The following TMEM80 variants were observed in gnomAD, a reference collection of about 807,000 sequenced individuals.
The protein encoded by TMEM80 is transmembrane protein 80.
In TMEM80, 16 loss-of-function variants were observed where a neutral mutation model predicts 13.6. That is an observed-to-expected ratio of 1.17 (90% CI 0.79 to 1.78). The LOEUF is 1.78. Ranked by LOEUF, TMEM80 falls within the 40% of genes most tolerant of loss-of-function variation. The pLI is 0.00. For missense variants in TMEM80, 167 were observed against 184.6 expected, an observed-to-expected ratio of 0.90 and a Z score of 0.55; for synonymous variants, 92 against 89.5, an observed-to-expected ratio of 1.03 and a Z score of -0.16.
chr11:704,896 C>T (rs569031354), downstream of TMEM80: 2 of 355,848 alleles, frequency 5.6e-6, no homozygotes, highest in South Asian at 4.2e-5. Flanking sequence ...GCTCTGCCTC[C>T]AGGAAGGGTG....
At position 703,100 on chromosome 11, in the gene TMEM80, G is replaced by A. The variant is rs199877297; in HGVS notation, c.382G>A (p.Gly128Ser). 1.4e-5 allele frequency: 22 copies of A among 1,611,000 alleles called. No individual in the cohort carries two copies. Among genetic ancestry groups the A allele is most frequent in the South Asian group, 2.2e-5 (2 of 90,846 alleles). The change falls in exon 5 of 5, where the codon GGC (glycine) becomes AGC (serine). Residue 128 changes from glycine (G) to serine (S), a missense_variant. Coordinates refer to ENST00000397510, the MANE Select transcript of TMEM80 (RefSeq NM_001042463.3). The stretch of plus-strand genomic sequence containing the variant: ...CAGCGCCACGCTCCTGGCCCTTCAC[G>A]GCCTGGAGGCCGTCCTGCAGGTGGT... The part of the protein sequence containing the change: ...ALSATLLALH[G>S]LEAVLQVVAI...
chr11:701,409 T>TC (rs1352307131), intron 4 of TMEM80, among the ~76,000 whole-genome samples: 1 of 127,864 alleles, frequency 7.8e-6, no homozygotes, highest in Non-Finnish European at 1.7e-5. Flanking sequence ...AAGGTTTCTT[T>TC]TTTTTTTTTT....
chr11:700,926 G>C, intron 4 of TMEM80: 1 of 594,186 alleles, frequency 1.7e-6, no homozygotes, highest in East Asian at 2.8e-5. Flanking sequence ...CGTTGGGAGA[G>C]ACTCTGTGTT....
chr11:696,170 G>A (rs1402995576), intron 1 of TMEM80, among the ~76,000 whole-genome samples: 10 of 152,338 alleles, frequency 6.6e-5, no homozygotes, highest in African/African-American at 2.2e-4. Flanking sequence ...GATGGGCGCA[G>A]GGTTTCGGTA....
downstream of TMEM80, chr11:704,176 G>T: frequency 9.2e-7 from 1 of 1,083,742 alleles, no homozygotes; most frequent in Non-Finnish European, 1.2e-6. Context: ...CAGTTCTCCT[G>T]CCCTGCAAGA....
chr11:701,414 T>C (rs1396561755), intron 4 of TMEM80, among the ~76,000 whole-genome samples: 1 of 134,484 alleles, frequency 7.4e-6, no homozygotes, highest in Non-Finnish European at 1.6e-5. Flanking sequence ...TTCTTTTTTT[T>C]TTTTTTTTTT....
chr11:701,919 G>T (rs1022749297), intron 4 of TMEM80, among the ~76,000 whole-genome samples: 9 of 152,222 alleles, frequency 5.9e-5, no homozygotes, highest in Non-Finnish European at 1.3e-4. Context: ...GTGGCCAGCG[G>T]GGTGCAGACT....
chr11:703,276 G>C lies in TMEM80; in HGVS notation c.*126G>C. On this transcript the variant is annotated 3_prime_UTR_variant, in exon 5 of 5. Coordinates refer to ENST00000397510, the MANE Select transcript of TMEM80 (RefSeq NM_001042463.3). The stretch of plus-strand genomic sequence containing the variant: ...CTAGTGACTGGCCATAGATGGTTTT[G>C]GATGGTTCCATCTGTTCTGGCAGGA... 1 of 1,445,128 alleles carries C rather than the reference G, an allele frequency of 6.9e-7. No homozygotes were observed. The highest frequency in any genetic ancestry group is 9.1e-7 in the Non-Finnish European group (1 of 1,093,724). The allele number at this position is 1,445,128 out of a possible 1,614,324, so 89.5% of individuals were successfully genotyped here. A position where few individuals can be genotyped will look rare whatever the true frequency, so the allele number is the denominator to read the frequency against.
At chr11:702,002 G>A (rs943560793) in intron 4 of TMEM80, among the ~76,000 whole-genome samples, 17 of 152,178 alleles carry the variant, frequency 1.1e-4, no homozygotes, top group East Asian at 5.8e-4. Context: ...TTGTCCTGCC[G>A]TGGGGAACGC....
chr11:703,405 C>T lies in TMEM80; in HGVS notation c.*255C>T, dbSNP rs921795326. On this transcript the variant is annotated 3_prime_UTR_variant, in exon 5 of 5. Coordinates refer to ENST00000397510, the MANE Select transcript of TMEM80 (RefSeq NM_001042463.3). ...ACAGAACTGCCTTCAAGATGAGTCC[C>T]AGGAGCGCACACTCAGCCCTGTCAG... 8.2e-6 allele frequency: 11 copies of T among 1,343,874 alleles called. No homozygotes were observed. Among genetic ancestry groups the T allele is most frequent in the Non-Finnish European group, 1.0e-5 (11 of 1,053,124 alleles). 83.2% of individuals were successfully genotyped at this position (1,343,874 alleles called of 1,614,324 possible).
At chr11:699,097 A>G in intron 2 of TMEM80, 1 of 602,446 alleles carries the variant, frequency 1.7e-6, no homozygotes, top group Non-Finnish European at 2.9e-6. Context: ...TCAGCCCTGC[A>G]CAAAGTGGCT....
rs1861617233 is a variant in TMEM80, at chr11:704,057, A to G, written c.*907A>G. 8.7e-7 allele frequency: 1 copy of G among 1,152,948 alleles called. No individual in the cohort carries two copies. 71.4% of individuals were successfully genotyped at this position (1,152,948 alleles called of 1,614,324 possible). On this transcript the variant is annotated 3_prime_UTR_variant, in exon 5 of 5. Coordinates refer to ENST00000397510, the MANE Select transcript of TMEM80 (RefSeq NM_001042463.3). The stretch of plus-strand genomic sequence containing the variant: ...TTGTGTGTTTTCTATGTTTGGAATA[A>G]TTACACCCAAATATCTAGATATTTT...
chr11:695,955 C>T (rs4963167), intron 1 of TMEM80, 109 bp downstream of exon 1: 262,757 of 868,804 alleles, frequency 0.3, 41,850 homozygotes, highest in Non-Finnish European at 0.32. Context: ...GCCGTGCCAC[C>T]GTCTCTACGT....
At chr11:700,797 G>A in intron 4 of TMEM80, 90 bp downstream of exon 4, 1 of 1,240,480 alleles carries the variant, frequency 8.1e-7, no homozygotes, top group Non-Finnish European at 1.2e-6. Context: ...TTATAGTGTG[G>A]TTCTCAGAGA....
chr11:700,931 T>C (rs1455074386), intron 4 of TMEM80: 3 of 588,530 alleles, frequency 5.1e-6, no homozygotes, highest in East Asian at 5.7e-5. Context: ...GGAGAGACTC[T>C]GTGTTTGGAA....
At chr11:702,728 C>T (rs550507699) in intron 4 of TMEM80, among the ~76,000 whole-genome samples, 8 of 152,256 alleles carry the variant, frequency 5.3e-5, no homozygotes, top group Non-Finnish European at 8.8e-5. Context: ...TGCAGGGGCA[C>T]CTCCCCCAGG....
intron 1 of TMEM80, among the ~76,000 whole-genome samples, chr11:696,364 A>C (rs555421072): frequency 2.6e-5 from 4 of 152,204 alleles, no homozygotes; most frequent in Non-Finnish European, 4.4e-5. Flanking sequence ...TGAAGTGCCA[A>C]ACCTTCGTGC....
At chr11:701,954 C>T (rs528360262) in intron 4 of TMEM80, among the ~76,000 whole-genome samples, 5 of 152,324 alleles carry the variant, frequency 3.3e-5, no homozygotes, top group African/African-American at 7.2e-5. Flanking sequence ...TGCTCATGGT[C>T]GTAACATGTG....
At chr11:698,554 G>C (rs905641206) in intron 1 of TMEM80, among the ~76,000 whole-genome samples, 1 of 152,158 alleles carries the variant, frequency 6.6e-6, no homozygotes, top group African/African-American at 2.4e-5. Flanking sequence ...GCAGCTGTTG[G>C]GGTGGGCTCC....
Sources: gnomAD v4.1 joint callset for allele counts (sites outside exome capture counted in the v4.1 genomes callset) on GRCh38, gnomAD v4.1.1 for gene constraint, MANE v1.5 for transcripts, NCBI Gene and HGNC (gene_info 2026-07-23, HGNC 2026-07-21) for gene names.